The following TRAPPC9 variants were observed in gnomAD, a reference collection of about 807,000 sequenced individuals.
TRAPPC9 encodes the protein IKK2 binding protein.
A neutral mutation model predicts 124.0 loss-of-function variants in TRAPPC9; 83 were observed. The observed-to-expected ratio is 0.67, with a 90% CI of 0.56 to 0.80. The LOEUF is 0.80. TRAPPC9 is among the 30% of genes least tolerant of loss of function. TRAPPC9 has a pLI of 0.00. For synonymous variants in TRAPPC9, 638 were observed against 617.5 expected (o/e 1.03, Z -0.49); for missense variants, 1,302 against 1,508.3 (o/e 0.86, Z 2.27).
At chr8:139,812,385 C>T (rs577702241) in intron 21 of TRAPPC9, among the ~76,000 whole-genome samples, 3 of 152,270 alleles carry the variant, frequency 2.0e-5, no homozygotes, top group Admixed American at 6.5e-5. Context: ...AGGCGAGCAG[C>T]CCACAGACGA....
chr8:139,925,984 C>T (rs978224460), intron 19 of TRAPPC9, among the ~76,000 whole-genome samples: 4 of 152,210 alleles, frequency 2.6e-5, no homozygotes, highest in African/African-American at 7.2e-5. Flanking sequence ...CAATGGTGTG[C>T]TGCAGCTAGC....
intron 21 of TRAPPC9, among the ~76,000 whole-genome samples, chr8:139,778,646 G>A (rs990404841): frequency 2.6e-5 from 4 of 152,132 alleles, no homozygotes; most frequent in African/African-American, 9.7e-5. Context: ...AAAACAAAAA[G>A]GATGGAGTTA....
rs542481502 is a variant in TRAPPC9, at chr8:139,729,729, C to T, written c.*1332G>A. On this transcript the variant is annotated 3_prime_UTR_variant, in exon 23 of 23. Coordinates refer to ENST00000438773, the MANE Select transcript of TRAPPC9 (RefSeq NM_001160372.4). ...TCAGGTCCTCAGGAAGTTCCCTCAGCCCCGCAGGCCTCCTGATGCCAACAT... is the reference window on the plus strand; with the variant it reads ...TCAGGTCCTCAGGAAGTTCCCTCAGTCCCGCAGGCCTCCTGATGCCAACAT... Among the ~76,000 whole-genome samples, 1 of 152,372 alleles carries T rather than the reference C, an allele frequency of 6.6e-6. No homozygotes were observed. The highest frequency in any genetic ancestry group is 2.4e-5 in the African/African-American group (1 of 41,582).
chr8:139,767,949 G>A (rs571150776), intron 21 of TRAPPC9, among the ~76,000 whole-genome samples: 1 of 152,318 alleles, frequency 6.6e-6, no homozygotes, highest in East Asian at 1.9e-4. Flanking sequence ...GTAGCAAACA[G>A]CCTTGAAAAA....
chr8:140,323,021 A>C (rs1174744687), intron 9 of TRAPPC9, among the ~76,000 whole-genome samples: 1 of 152,204 alleles, frequency 6.6e-6, no homozygotes, highest in African/African-American at 2.4e-5. Flanking sequence ...ACTTCAGGAT[A>C]AGGCTGGTCA....
intron 8 of TRAPPC9, among the ~76,000 whole-genome samples, chr8:140,363,591 A>T (rs1206505374): frequency 6.6e-6 from 1 of 151,094 alleles, no homozygotes; most frequent in Non-Finnish European, 1.5e-5. Context: ...TCTCCTCCTG[A>T]CACAAACGTC....
intron 15 of TRAPPC9, among the ~76,000 whole-genome samples, chr8:140,265,881 C>T (rs1257966791): frequency 2.0e-5 from 3 of 152,110 alleles, no homozygotes; most frequent in South Asian, 2.1e-4. Context: ...AAGAGAATCT[C>T]GCCTCAAAAC....
chr8:140,341,034 A>T (rs750972866), intron 9 of TRAPPC9, among the ~76,000 whole-genome samples: 3 of 152,130 alleles, frequency 2.0e-5, no homozygotes, highest in Non-Finnish European at 2.9e-5. Context: ...ATTCATCCTC[A>T]TGTTACTGAG....
chr8:139,786,624 T>C (rs1414225461), intron 21 of TRAPPC9, among the ~76,000 whole-genome samples: 1 of 152,228 alleles, frequency 6.6e-6, no homozygotes, highest in Non-Finnish European at 1.5e-5. Flanking sequence ...TCTTAGCTGC[T>C]TTACATTTGT....
chr8:139,836,207 T>G (rs1826337768), intron 21 of TRAPPC9, among the ~76,000 whole-genome samples: 1 of 152,046 alleles, frequency 6.6e-6, no homozygotes, highest in Non-Finnish European at 1.5e-5. Flanking sequence ...CGGGGTTTCA[T>G]CACGTTGGCC....
intron 18 of TRAPPC9, among the ~76,000 whole-genome samples, chr8:139,996,715 T>C (rs1183453727): frequency 6.6e-6 from 1 of 152,164 alleles, no homozygotes; most frequent in Non-Finnish European, 1.5e-5. Flanking sequence ...AAGTTTTTTG[T>C]TTTTGCTGTT....
chr8:140,357,816 C>A (rs1421376577), intron 9 of TRAPPC9, among the ~76,000 whole-genome samples: 2 of 152,178 alleles, frequency 1.3e-5, no homozygotes, highest in East Asian at 3.9e-4. Flanking sequence ...CCCTGCTGGC[C>A]ACCTGCTCAC....
chr8:140,137,098 G>A (rs1002687586), intron 17 of TRAPPC9, among the ~76,000 whole-genome samples: 1 of 152,142 alleles, frequency 6.6e-6, no homozygotes, highest in Non-Finnish European at 1.5e-5. Flanking sequence ...CGGGGAGAGG[G>A]GAAAGGAAGG....
intron 9 of TRAPPC9, among the ~76,000 whole-genome samples, chr8:140,358,601 G>A (rs2067827796): frequency 6.6e-6 from 1 of 152,250 alleles, no homozygotes; most frequent in Admixed American, 6.5e-5. Flanking sequence ...AGAACAGCCA[G>A]GGGAAAGCAG....
At chr8:139,968,321 C>A (rs1051161612) in intron 19 of TRAPPC9, among the ~76,000 whole-genome samples, 4 of 152,206 alleles carry the variant, frequency 2.6e-5, no homozygotes, top group African/African-American at 9.6e-5. Context: ...CCCCATGTCT[C>A]CAGCAAGCCC....
intron 17 of TRAPPC9, among the ~76,000 whole-genome samples, chr8:140,194,979 TA>T (rs547115045): frequency 1.1e-3 from 174 of 151,740 alleles, no homozygotes; most frequent in South Asian, 2.3e-3. Flanking sequence ...CCTGTGACAC[TA>T]AAACACACTC....
chr8:139,829,714 A>G (rs1279633581), intron 21 of TRAPPC9, among the ~76,000 whole-genome samples: 1 of 152,248 alleles, frequency 6.6e-6, no homozygotes, highest in Non-Finnish European at 1.5e-5. Context: ...ACAAGAGCGA[A>G]AAGAATGGAT....
chr8:140,178,580 T>C (rs1015792523), intron 17 of TRAPPC9, among the ~76,000 whole-genome samples: 12 of 152,130 alleles, frequency 7.9e-5, no homozygotes, highest in African/African-American at 2.9e-4. Context: ...TGGACATCGT[T>C]CTGTAATCTT....
chr8:140,289,460 T>G (rs933555543), intron 12 of TRAPPC9, among the ~76,000 whole-genome samples: 11 of 152,186 alleles, frequency 7.2e-5, no homozygotes, highest in Non-Finnish European at 1.5e-4. Context: ...TGGCCAACTG[T>G]GAACATTTTT....
Sources: allele counts gnomAD v4.1 joint callset (sites outside exome capture counted in the v4.1 genomes callset), GRCh38; gene constraint gnomAD v4.1.1; transcripts MANE v1.5; gene names NCBI Gene and HGNC (gene_info 2026-07-23, HGNC 2026-07-21).